Variants in GLCCI1 observed in about 807,000 individuals in gnomAD.
GLCCI1 encodes glucocorticoid-induced transcript 1 protein.
A neutral mutation model predicts 52.2 loss-of-function variants in GLCCI1; 24 were observed. The observed-to-expected ratio is 0.46, with a 90% CI of 0.33 to 0.65. GLCCI1 has a LOEUF of 0.65. Ranked by LOEUF, GLCCI1 falls within the 30% of genes least tolerant of loss-of-function variation. GLCCI1 has a pLI of 0.02. For missense variants in GLCCI1, 704 were observed against 701.5 expected (o/e 1.00, Z -0.04); for synonymous variants, 310 against 276.5 (o/e 1.12, Z -1.20).
chr7:7,993,188 G>T (rs1326599268), intron 1 of GLCCI1, among the ~76,000 whole-genome samples: 1 of 151,828 alleles, frequency 6.6e-6, no homozygotes, highest in African/African-American at 2.4e-5. Flanking sequence ...TAAGTAAAAT[G>T]ATTTTTTTTG....
At chr7:8,025,015 T>A (rs1332552997) in intron 3 of GLCCI1, among the ~76,000 whole-genome samples, 1 of 152,208 alleles carries the variant, frequency 6.6e-6, no homozygotes, top group Non-Finnish European at 1.5e-5. Context: ...AACAGCTTTA[T>A]TAGTCTAAGA....
intron 2 of GLCCI1, among the ~76,000 whole-genome samples, chr7:8,020,369 C>T (rs61450165): frequency 0.14 from 21,616 of 152,098 alleles, 1,622 homozygotes; most frequent in Admixed American, 0.19. Flanking sequence ...ACATATACTA[C>T]TAACTTGATT....
chr7:8,073,479 A>G (rs1782808791), intron 6 of GLCCI1, among the ~76,000 whole-genome samples: 1 of 152,118 alleles, frequency 6.6e-6, no homozygotes, highest in Non-Finnish European at 1.5e-5. Context: ...TGCCTGCATA[A>G]CACTAATTTC....
chr7:7,980,347 G>C (rs1187622346), intron 1 of GLCCI1: 1 of 183,186 alleles, frequency 5.5e-6, no homozygotes, highest in African/African-American at 2.4e-5. Context: ...TGTGGGCAAT[G>C]TGGTTGTCAA....
chr7:8,061,981 T>C (rs918246483), intron 5 of GLCCI1, among the ~76,000 whole-genome samples: 3 of 152,178 alleles, frequency 2.0e-5, no homozygotes, highest in Non-Finnish European at 4.4e-5. Flanking sequence ...AAAGTGTTTT[T>C]TTTATGCATT....
chr7:8,007,350 A>C (rs1299388368), intron 2 of GLCCI1, among the ~76,000 whole-genome samples: 1 of 152,200 alleles, frequency 6.6e-6, no homozygotes, highest in Non-Finnish European at 1.5e-5. Context: ...TACGTAGTAC[A>C]TCGTTATGTA....
chr7:7,986,967 A>C (rs1780749945), intron 1 of GLCCI1, among the ~76,000 whole-genome samples: 1 of 152,026 alleles, frequency 6.6e-6, no homozygotes, highest in South Asian at 2.1e-4. Flanking sequence ...CCTAATTATT[A>C]CTTCTTGCTT....
chr7:8,006,045 G>T (rs1288547524), intron 2 of GLCCI1, among the ~76,000 whole-genome samples: 1 of 152,116 alleles, frequency 6.6e-6, no homozygotes, highest in Non-Finnish European at 1.5e-5. Context: ...TGACCCACCT[G>T]TCTTAGCCTC....
chr7:8,070,984 C>G lies in GLCCI1; in HGVS notation c.1030C>G (p.Arg344Gly). ...TGCTCATTACCGGAGCAGTAGTACT[C>G]GCAGCATTGACACTCAGACTCCTTC... Reference protein sequence around the residue: ...LPAHYRSSSTRSIDTQTPSVQ... With the variant: ...LPAHYRSSSTGSIDTQTPSVQ... Residue 344 changes from arginine to glycine, a missense_variant, in exon 6 of 8, where the codon CGC becomes GGC. Arg to Gly is a moderately radical substitution (Grantham distance 125, BLOSUM62 -2). This residue lies in a region of GLCCI1 where 547 missense variants were observed against 524.8 expected (regional missense o/e 1.04). Transcript: ENST00000223145. 2 of 1,614,196 alleles carry G rather than the reference C, an allele frequency of 1.2e-6. No homozygotes were observed. Among genetic ancestry groups the G allele is most frequent in the Non-Finnish European group, 1.7e-6 (2 of 1,180,030 alleles).
At chr7:7,972,123 G>A (rs1262496801) in intron 1 of GLCCI1, among the ~76,000 whole-genome samples, 1 of 152,058 alleles carries the variant, frequency 6.6e-6, no homozygotes, top group East Asian at 1.9e-4. Context: ...TTAATTTTTC[G>A]AATGATTATC....
At chr7:7,982,472 C>T (rs1040191710) in intron 1 of GLCCI1, among the ~76,000 whole-genome samples, 26 of 152,184 alleles carry the variant, frequency 1.7e-4, no homozygotes, top group African/African-American at 6.3e-4. Flanking sequence ...TTTTTGAAGT[C>T]TTTCACATTT....
intron 5 of GLCCI1, among the ~76,000 whole-genome samples, chr7:8,063,357 G>A (rs1189693830): frequency 1.3e-5 from 2 of 151,748 alleles, no homozygotes; most frequent in African/African-American, 2.4e-5. Context: ...TGTTGGCCAG[G>A]CTGGTCTTGA....
rs764899241 is a variant in GLCCI1 at position 8,084,882 on chromosome 7, G to T, written c.1178-15G>T. The T allele has an allele frequency of 6.2e-7, 1 of 1,610,532 alleles. No individual in the cohort carries two copies. Among genetic ancestry groups the T allele is most frequent in the African/African-American group, 1.3e-5 (1 of 74,686 alleles). On this transcript the variant is annotated splice_polypyrimidine_tract_variant and intron_variant, in intron 6 of 7. Coordinates refer to ENST00000223145, the MANE Select transcript of GLCCI1 (RefSeq NM_138426.4). ...CTTTCAATCACTAGTTAATATAACT[G>T]CTTTAAATTTACAGACAGTGGGAGT...
chr7:8,054,445 C>G (rs752648855), intron 3 of GLCCI1, among the ~76,000 whole-genome samples: 4 of 152,024 alleles, frequency 2.6e-5, no homozygotes, highest in Admixed American at 6.5e-5. Context: ...ATAAATTCTT[C>G]CTTGTTTGGG....
At chr7:7,992,107 T>C (rs35327264) in intron 1 of GLCCI1, among the ~76,000 whole-genome samples, 7 of 141,306 alleles carry the variant, frequency 5.0e-5, no homozygotes, top group East Asian at 2.1e-4. Flanking sequence ...TTCTGTCTGT[T>C]TCTCTCTCTC....
intron 6 of GLCCI1, among the ~76,000 whole-genome samples, chr7:8,071,541 A>G (rs1782762606): frequency 1.3e-5 from 2 of 152,204 alleles, no homozygotes; most frequent in African/African-American, 4.8e-5. Flanking sequence ...ATTCTGTTGG[A>G]AAAAGTGAGT....
chr7:7,993,788 GAAAA>G (rs5882149), intron 1 of GLCCI1, among the ~76,000 whole-genome samples: 1 of 147,730 alleles, frequency 6.8e-6, no homozygotes, highest in Non-Finnish European at 1.5e-5. Flanking sequence ...GTTACATCCT[GAAAA>G]AAAAAAAGAA....
At chr7:8,070,149 C>T (rs1782724285) in intron 5 of GLCCI1, 1 of 152,174 alleles carries the variant, frequency 6.6e-6, no homozygotes, top group Non-Finnish European at 1.5e-5. Flanking sequence ...TTTGTGAAAA[C>T]AAAACAATGG....
intron 1 of GLCCI1, among the ~76,000 whole-genome samples, chr7:7,992,310 A>G (rs1373912980): frequency 6.6e-6 from 1 of 151,980 alleles, no homozygotes. Flanking sequence ...GATACTGAAC[A>G]TACTGCTGCT....
Sources: gnomAD v4.1 joint callset for allele counts (sites outside exome capture counted in the v4.1 genomes callset) on GRCh38, gnomAD v4.1.1 for gene constraint, gnomAD v4.1.1 regional missense constraint, MANE v1.5 for transcripts, NCBI Gene and HGNC (gene_info 2026-07-23, HGNC 2026-07-21) for gene names.